ROBO2: variants seen among roughly 807,000 people sequenced by gnomAD.
ROBO2 encodes roundabout guidance receptor 2.
A neutral mutation model predicts 160.8 loss-of-function variants in ROBO2; 53 were observed. The observed-to-expected ratio is 0.33, with a 90% CI of 0.26 to 0.41. The LOEUF is 0.41. Among genes scored for constraint, ROBO2 ranks in the 10% least tolerant of loss-of-function variants. The probability of loss-of-function intolerance (pLI) is 1.00; values close to 1 mark genes in which losing one functional copy is unlikely to be tolerated. For missense variants in ROBO2, 1,577 were observed against 1,722.4 expected, an observed-to-expected ratio of 0.92 and a Z score of 1.49; for synonymous variants, 664 against 611.7, an observed-to-expected ratio of 1.09 and a Z score of -1.26.
At chr3:76,056,982 T>G (rs2107848201) in intron 2 of ROBO2, among the ~76,000 whole-genome samples, 1 of 152,344 alleles carries the variant, frequency 6.6e-6, no homozygotes, top group East Asian at 1.9e-4. Context: ...TGTGTGTGTA[T>G]TTAAACTATG....
At chr3:77,489,480 A>G (rs993063612) in intron 4 of ROBO2, among the ~76,000 whole-genome samples, 1 of 152,168 alleles carries the variant, frequency 6.6e-6, no homozygotes, top group Non-Finnish European at 1.5e-5. Context: ...TTGAAATTAT[A>G]AATCAAGTGC....
chr3:77,213,151 G>T (rs1348583062), intron 2 of ROBO2, among the ~76,000 whole-genome samples: 2 of 152,124 alleles, frequency 1.3e-5, no homozygotes, highest in African/African-American at 4.8e-5. Context: ...AGAAGGAATG[G>T]TACCAGCTCC....
intron 2 of ROBO2, among the ~76,000 whole-genome samples, chr3:77,111,402 G>A (rs973667708): frequency 1.3e-5 from 2 of 152,072 alleles, no homozygotes; most frequent in Non-Finnish European, 2.9e-5. Context: ...GCTATCTTAA[G>A]TAGACATTAA....
chr3:77,403,629 T>TA (rs1295010204), intron 2 of ROBO2, among the ~76,000 whole-genome samples: 1 of 146,448 alleles, frequency 6.8e-6, no homozygotes, highest in Non-Finnish European at 1.5e-5. Flanking sequence ...TTTTTTTTTT[T>TA]ATCCATTCAT....
intron 2 of ROBO2, among the ~76,000 whole-genome samples, chr3:76,061,243 C>T (rs949765186): frequency 3.5e-4 from 53 of 152,096 alleles, no homozygotes; most frequent in Non-Finnish European, 1.5e-4. Flanking sequence ...TGAATAAATT[C>T]GGGTAAAGTG....
chr3:76,450,183 T>A (rs1229805180), intron 2 of ROBO2, among the ~76,000 whole-genome samples: 1 of 152,112 alleles, frequency 6.6e-6, no homozygotes, highest in Non-Finnish European at 1.5e-5. Context: ...GAAGACTGGA[T>A]AACCAAGCAA....
chr3:76,321,936 A>G (rs148134066), intron 2 of ROBO2, among the ~76,000 whole-genome samples: 224 of 151,924 alleles, frequency 1.5e-3, no homozygotes, highest in African/African-American at 5.3e-3. Context: ...TATCTTAAAA[A>G]CAAAAGCAAT....
chr3:76,634,683 A>G (rs2090222581), intron 2 of ROBO2, among the ~76,000 whole-genome samples: 1 of 152,198 alleles, frequency 6.6e-6, no homozygotes, highest in East Asian at 1.9e-4. Context: ...GTCACACTTA[A>G]AAGTGCTAGA....
intron 2 of ROBO2, among the ~76,000 whole-genome samples, chr3:76,005,860 A>G (rs190461849): frequency 5.7e-4 from 87 of 152,362 alleles, no homozygotes; most frequent in African/African-American, 2.0e-3. Context: ...TTGATGACAC[A>G]ACCAAAAATA....
intron 2 of ROBO2, among the ~76,000 whole-genome samples, chr3:76,286,924 G>A (rs1005919799): frequency 2.1e-4 from 32 of 152,148 alleles, no homozygotes; most frequent in African/African-American, 7.2e-4. Context: ...AAATAAAGCT[G>A]TAAGAAAAGG....
At chr3:76,709,708 T>A (rs1218111747) in intron 2 of ROBO2, among the ~76,000 whole-genome samples, 3 of 152,232 alleles carry the variant, frequency 2.0e-5, no homozygotes, top group Non-Finnish European at 4.4e-5. Flanking sequence ...CATTACATCA[T>A]CTGGATTTTC....
chr3:76,710,778 A>G (rs1393320981), intron 2 of ROBO2, among the ~76,000 whole-genome samples: 1 of 152,202 alleles, frequency 6.6e-6, no homozygotes, highest in African/African-American at 2.4e-5. Flanking sequence ...AGGGGAGCTT[A>G]GAGAAATGAG....
intron 2 of ROBO2, among the ~76,000 whole-genome samples, chr3:76,214,015 C>T (rs1489230916): frequency 1.3e-5 from 2 of 152,096 alleles, no homozygotes; most frequent in Admixed American, 6.5e-5. Context: ...TCCAGAAGCA[C>T]CCTCACAGAT....
chr3:77,048,354 CAT>C (rs1269744251), intron 1 of ROBO2, among the ~76,000 whole-genome samples: 5 of 152,154 alleles, frequency 3.3e-5, no homozygotes, highest in Admixed American at 6.5e-5. Flanking sequence ...TGTGCTATGA[CAT>C]GTGTGTTTCC....
chr3:77,322,663 G>C (rs1213027782), intron 2 of ROBO2, among the ~76,000 whole-genome samples: 2 of 149,380 alleles, frequency 1.3e-5, no homozygotes, highest in Non-Finnish European at 3.0e-5. Context: ...ATATTTTATA[G>C]ATATTTTCAT....
chr3:75,990,131 A>G (rs966262083), intron 2 of ROBO2, among the ~76,000 whole-genome samples: 5 of 152,236 alleles, frequency 3.3e-5, no homozygotes, highest in African/African-American at 4.8e-5. Context: ...GCCATAAAAT[A>G]TATCTCAATT....
intron 2 of ROBO2, among the ~76,000 whole-genome samples, chr3:76,555,404 A>AGAC (rs2083690077): frequency 5.5e-5 from 4 of 73,124 alleles, no homozygotes; most frequent in South Asian, 6.3e-4. Context: ...AAGAAGAAGA[A>AGAC]GAAGAAGAAG....
chr3:77,323,877 A>C (rs756906165), intron 2 of ROBO2, among the ~76,000 whole-genome samples: 1 of 152,128 alleles, frequency 6.6e-6, no homozygotes, highest in African/African-American at 2.4e-5. Context: ...ATTTAAAAAT[A>C]TTTTTGTTCA....
At chr3:76,213,411 G>A (rs977596416) in intron 2 of ROBO2, among the ~76,000 whole-genome samples, 1 of 151,994 alleles carries the variant, frequency 6.6e-6, no homozygotes, top group Non-Finnish European at 1.5e-5. Flanking sequence ...GGATATGATT[G>A]TTTCGCCAAT....
Sources: allele counts gnomAD v4.1 joint callset (sites outside exome capture counted in the v4.1 genomes callset), GRCh38; gene constraint gnomAD v4.1.1; transcripts MANE v1.5; gene names NCBI Gene and HGNC (gene_info 2026-07-23, HGNC 2026-07-21).